Variants in KIF25 observed in about 807,000 individuals in gnomAD.
KIF25 encodes the protein kinesin-like protein KIF25.
KIF25 carries 19 observed loss-of-function variants against 32.9 expected under a neutral mutation model. The observed-to-expected ratio is 0.58, with a 90% CI of 0.40 to 0.85. KIF25 has a LOEUF of 0.85. Among genes scored for constraint, KIF25 ranks in the 40% least tolerant of loss-of-function variants. The pLI is 0.00. For missense variants in KIF25, 485 were observed against 507.0 expected, an observed-to-expected ratio of 0.96 and a Z score of 0.42; for synonymous variants, 225 against 213.7, an observed-to-expected ratio of 1.05 and a Z score of -0.46.
intron 11 of KIF25, among the ~76,000 whole-genome samples, 190 bp downstream of exon 11, chr6:168,042,341 G>A (rs540370390): frequency 1.1e-4 from 16 of 152,172 alleles, no homozygotes; most frequent in Non-Finnish European, 2.2e-4. Flanking sequence ...CGAGAGTCGT[G>A]TTCCTCACAC....
rs867244872 is a variant in KIF25, at chr6:168,038,563, G to A, written c.328G>A (p.Glu110Lys). 1 of 1,614,054 alleles carries A rather than the reference G, an allele frequency of 6.2e-7. No homozygotes were observed. Among genetic ancestry groups the A allele is most frequent in the South Asian group, 1.1e-5 (1 of 91,076 alleles). Residue 110 changes from glutamate to lysine, a missense_variant, in exon 9 of 13, where the codon GAA becomes AAA. Glu to Lys is a moderately conservative substitution (Grantham distance 56). Transcript: ENST00000643607. ...TGTGTTTTCCCGCAGGCTCATTTTG[G>A]AAAATACCTCAAGAAGCCCAAAGGT... ...VAEELFRLIL[E>K]NTSRSPKVEV...
At chr6:167,998,943 T>A (rs1220510704) in intron 1 of KIF25, 73 bp downstream of exon 1, 1 of 152,224 alleles carries the variant, frequency 6.6e-6, no homozygotes, top group Non-Finnish European at 1.5e-5. Flanking sequence ...TCCCAGCTAC[T>A]CTGGGGGCTG....
At chr6:168,042,217 G>T in intron 11 of KIF25, 66 bp downstream of exon 11, 1 of 1,460,296 alleles carries the variant, frequency 6.8e-7, no homozygotes, top group South Asian at 1.3e-5. Flanking sequence ...GATGGAGCTG[G>T]ATGTGCAACC....
At chr6:168,042,325 G>A (rs1331762180) in intron 11 of KIF25, among the ~76,000 whole-genome samples, 174 bp downstream of exon 11, 10 of 152,164 alleles carry the variant, frequency 6.6e-5, no homozygotes, top group Admixed American at 6.5e-4. Context: ...TCTTACCCCG[G>A]CAACCCGAGA....
chr6:168,030,957 C>T (rs1423635496), intron 7 of KIF25, 110 bp downstream of exon 7: 2 of 798,882 alleles, frequency 2.5e-6, no homozygotes, highest in Non-Finnish European at 4.0e-6. Flanking sequence ...CATTCTACAG[C>T]ACTGCAGAGC....
chr6:168,042,040 G>A lies in KIF25; in HGVS notation c.718G>A (p.Ala240Thr), dbSNP rs1412661240. ...AGGAAGGGCAGGAAGGAGCCGCAGAGCTTCTCAAGGGGCCTTGGCTCCACA... is the reference window on the plus strand; with the variant it reads ...AGGAAGGGCAGGAAGGAGCCGCAGAACTTCTCAAGGGGCCTTGGCTCCACA... ...EAGRAGRSRRASQGALAPQLV... is the reference protein window; with the variant it reads ...EAGRAGRSRRTSQGALAPQLV... The change falls in exon 11 of 13, where the codon GCT (alanine) becomes ACT (threonine). Residue 240 changes from alanine to threonine, a missense_variant. Physicochemically the swap from Ala to Thr is moderately conservative, Grantham distance 58. Coordinates refer to ENST00000643607, the MANE Select transcript of KIF25 (RefSeq NM_030615.4). 5.8e-6 allele frequency: 9 copies of A among 1,551,472 alleles called. No homozygotes were observed. Among genetic ancestry groups the A allele is most frequent in the African/African-American group, 1.4e-5 (1 of 73,182 alleles).
rs1357355333 is a variant in KIF25 at position 168,001,720 on chromosome 6, C to T, written c.-369-823C>T. 7.9e-4 allele frequency among the ~76,000 whole-genome samples: 79 copies of T among 99,402 alleles called. 4 individuals are homozygous for T. Among genetic ancestry groups the T allele is most frequent in the Non-Finnish European group, 3.7e-4 (18 of 49,058 alleles). The allele number at this position is 99,402 out of a possible 152,430, so 65.2% of individuals were successfully genotyped here. On this transcript the variant is annotated intron_variant, in intron 2 of 12. Coordinates refer to ENST00000643607, the MANE Select transcript of KIF25 (RefSeq NM_030615.4). Reference sequence around the variant, plus strand: ...GGTGAGAAGACACCTGAGGCGTGGCCGCGGGCAGGTGAGAAGACACCTTCA... The same window carrying T: ...GGTGAGAAGACACCTGAGGCGTGGCTGCGGGCAGGTGAGAAGACACCTTCA...
chr6:168,012,164 CT>C (rs1160939784), intron 4 of KIF25, among the ~76,000 whole-genome samples: 1 of 151,906 alleles, frequency 6.6e-6, no homozygotes. Context: ...ATTTTGAATT[CT>C]TTTTCTGGTA....
At chr6:168,044,028 G>A (rs533912657) in intron 12 of KIF25, among the ~76,000 whole-genome samples, 7 of 152,312 alleles carry the variant, frequency 4.6e-5, no homozygotes, top group South Asian at 2.1e-4. Context: ...GGGGCTGAGC[G>A]TCCCTCAGGG....
chr6:168,038,433 C>T, intron 8 of KIF25, 120 bp from the exon 9 acceptor site: 1 of 953,488 alleles, frequency 1.0e-6, no homozygotes, highest in Non-Finnish European at 1.6e-6. Context: ...ATGCAGCCCT[C>T]TGCTCGGACC....
At chr6:168,043,759 T>C (rs1157758826) in intron 12 of KIF25, among the ~76,000 whole-genome samples, 1 of 152,214 alleles carries the variant, frequency 6.6e-6, no homozygotes, top group Non-Finnish European at 1.5e-5. Context: ...AGGTCCCTCA[T>C]GGAGCCCTGG....
At chr6:168,013,355 C>T (rs1798672515) in intron 4 of KIF25, among the ~76,000 whole-genome samples, 1 of 151,880 alleles carries the variant, frequency 6.6e-6, no homozygotes, top group African/African-American at 2.4e-5. Context: ...CACAGCTGAT[C>T]CTGGGCCCGG....
chr6:168,000,502 C>T (rs1798485166), intron 2 of KIF25, among the ~76,000 whole-genome samples: 1 of 139,588 alleles, frequency 7.2e-6, no homozygotes, highest in Non-Finnish European at 1.6e-5. Flanking sequence ...ACACTTGACC[C>T]TCCCCACTCC....
intron 6 of KIF25, 60 bp from the exon 7 acceptor site, chr6:168,030,713 G>T: frequency 1.5e-6 from 2 of 1,372,474 alleles, no homozygotes; most frequent in African/African-American, 2.9e-5. Flanking sequence ...TTCTGAGTCT[G>T]CATGCTAGAG....
intron 7 of KIF25, among the ~76,000 whole-genome samples, chr6:168,031,552 C>T (rs1449067685): frequency 6.6e-6 from 1 of 152,246 alleles, no homozygotes; most frequent in East Asian, 1.9e-4. Flanking sequence ...GAAGCTCCTG[C>T]ATCTGACCAC....
Position 168,042,686 on chromosome 6 carries a change from A to C in KIF25, c.955A>C (p.Arg319=), listed in dbSNP as rs1799144846. Residue 319 remains arginine (R), a synonymous_variant, in exon 12 of 13, where the codon AGG becomes CGG. Coordinates refer to ENST00000643607, the MANE Select transcript of KIF25 (RefSeq NM_030615.4). ...HRGHAPYRNS[R]LTHLLQDCLG... ...TGGCCATGCCCCGTACCGGAACAGC[A>C]GGCTCACCCACCTCCTTCAGGACTG... 1 of 1,612,810 alleles carries C rather than the reference A, an allele frequency of 6.2e-7. No individual in the cohort carries two copies. Among genetic ancestry groups the C allele is most frequent in the South Asian group, 1.1e-5 (1 of 91,056 alleles).
chr6:168,042,262 T>C, intron 11 of KIF25, 111 bp downstream of exon 11: 1 of 1,148,970 alleles, frequency 8.7e-7, no homozygotes, highest in East Asian at 2.6e-5. Flanking sequence ...AGCCAGGCAT[T>C]TCCCCCTCCA....
At chr6:168,007,846 C>G in intron 4 of KIF25, among the ~76,000 whole-genome samples, 1 of 152,154 alleles carries the variant, frequency 6.6e-6, no homozygotes, top group East Asian at 1.9e-4. Flanking sequence ...TCATAGGTAC[C>G]TTTTATTTCC....
At position 168,040,107 on chromosome 6, in the gene KIF25, A is replaced by G. The variant is rs776545303; in HGVS notation, c.537A>G (p.Gly179=). The change falls in exon 10 of 13, where the codon GGA becomes GGG. Residue 179 remains glycine (G), a synonymous_variant. Transcript: ENST00000643607. ...SASKLMELVH[G]GLQLRAKHPT... ...CGAAACTGATGGAGCTCGTTCATGG[A>G]GGTCTGCAGCTCAGGGCGAAGCACC... is the stretch of plus-strand genomic sequence containing the variant. The G allele has an allele frequency of 1.2e-6, 2 of 1,613,706 alleles. No homozygotes were observed. Among genetic ancestry groups the G allele is most frequent in the East Asian group, 2.2e-5 (1 of 44,886 alleles).
Sources: allele counts gnomAD v4.1 joint callset (sites outside exome capture counted in the v4.1 genomes callset), GRCh38; gene constraint gnomAD v4.1.1; transcripts MANE v1.5; gene names NCBI Gene and HGNC (gene_info 2026-07-23, HGNC 2026-07-21).